ASCC3: variants seen among roughly 807,000 people sequenced by gnomAD.
ASCC3 encodes the protein ASC-1 complex subunit P200.
Under a neutral mutation model 256.3 loss-of-function variants are expected in ASCC3, and 158 were observed. That is an observed-to-expected ratio of 0.62 (90% CI 0.54 to 0.70). The LOEUF (loss-of-function observed/expected upper bound fraction) is 0.70, where lower values mean the gene tolerates loss of function less well. ASCC3 is among the 30% of genes least tolerant of loss of function. ASCC3 has a pLI of 0.00. For synonymous variants in ASCC3, 948 were observed against 883.4 expected (o/e 1.07, Z -1.30); for missense variants, 2,259 against 2,626.0 (o/e 0.86, Z 3.05).
chr6:100,683,208 T>C (rs1296400683), intron 13 of ASCC3, among the ~76,000 whole-genome samples: 2 of 152,144 alleles, frequency 1.3e-5, no homozygotes, highest in African/African-American at 4.8e-5. Context: ...ATTTTCCAGA[T>C]GGGGGTTTTA....
At chr6:100,657,300 G>A (rs1271955773) in intron 16 of ASCC3, among the ~76,000 whole-genome samples, 1 of 151,378 alleles carries the variant, frequency 6.6e-6, no homozygotes, top group Non-Finnish European at 1.5e-5. Flanking sequence ...TAAACTGTAA[G>A]CCTTTCCACC....
At chr6:100,510,187 TCTTA>T in intron 40 of ASCC3, 80 bp from the exon 41 acceptor site, 1 of 1,480,784 alleles carries the variant, frequency 6.8e-7, no homozygotes, top group Non-Finnish European at 9.4e-7. Context: ...GGCTACGTTG[TCTTA>T]CTTGAAGGCC....
At chr6:100,706,155 A>G (rs956740242) in intron 13 of ASCC3, among the ~76,000 whole-genome samples, 1 of 150,330 alleles carries the variant, frequency 6.7e-6, no homozygotes, top group Non-Finnish European at 1.5e-5. Context: ...AGAATAATAA[A>G]ATTGAAGAGT....
intron 1 of ASCC3, among the ~76,000 whole-genome samples, chr6:100,872,471 G>A (rs997335602): frequency 7.8e-5 from 10 of 128,208 alleles, no homozygotes; most frequent in Non-Finnish European, 1.3e-4. Flanking sequence ...AAAAGGGTCG[G>A]GGGGGGATCA....
At chr6:100,766,900 G>A (rs995275421) in intron 9 of ASCC3, among the ~76,000 whole-genome samples, 195 bp from the exon 10 acceptor site, 2 of 152,170 alleles carry the variant, frequency 1.3e-5, no homozygotes, top group Admixed American at 1.3e-4. Context: ...AATAGAATTT[G>A]TTTACACAGC....
chr6:100,811,812 A>G (rs1770483078), intron 4 of ASCC3, among the ~76,000 whole-genome samples: 1 of 152,164 alleles, frequency 6.6e-6, no homozygotes, highest in South Asian at 2.1e-4. Context: ...AGAACTGAGT[A>G]AAGAGACAAC....
At chr6:100,530,156 T>C in intron 37 of ASCC3, 1 of 587,290 alleles carries the variant, frequency 1.7e-6, no homozygotes, top group Non-Finnish European at 3.1e-6. Flanking sequence ...TCTATGTGCA[T>C]GTGTGTGAGA....
Position 100,718,198 on chromosome 6 carries a change from A to G in ASCC3, c.1956T>C (p.Pro652=), listed in dbSNP as rs761684996. The part of the protein sequence containing the change: ...IRILGLSATL[P]NYLDVATFLH... Reference sequence around the variant, plus strand: ...AAAATGTGGCAACATCGAGGTAGTTAGGTAAAGTTGCAGACAGTCCGAGAA... The same window carrying G: ...AAAATGTGGCAACATCGAGGTAGTTGGGTAAAGTTGCAGACAGTCCGAGAA... Residue 652 remains proline (P), a synonymous_variant, in exon 12 of 42, where the codon CCT becomes CCC. Coordinates refer to ENST00000369162, the MANE Select transcript of ASCC3 (RefSeq NM_006828.4). 36 of 1,613,354 alleles carry G rather than the reference A, an allele frequency of 2.2e-5. No individual in the cohort carries two copies. Among genetic ancestry groups the G allele is most frequent in the Non-Finnish European group, 2.8e-5 (33 of 1,179,546 alleles).
At chr6:100,726,030 T>A (rs1449991076) in intron 10 of ASCC3, among the ~76,000 whole-genome samples, 2 of 149,396 alleles carry the variant, frequency 1.3e-5, no homozygotes, top group African/African-American at 4.9e-5. Flanking sequence ...TTTTTTAAAG[T>A]AGCATATACT....
chr6:100,631,147 C>T lies in ASCC3; in HGVS notation c.4189G>A (p.Glu1397Lys). Residue 1397 changes from glutamate (E) to lysine (K), a missense_variant, in exon 26 of 42, where the codon GAA (glutamate) becomes AAA (lysine). Glu to Lys is a moderately conservative substitution (Grantham distance 56, BLOSUM62 1). This residue lies in a region of ASCC3 where 1,839 missense variants were observed against 2,206.7 expected (regional missense o/e 0.83). Transcript: ENST00000369162. Reference protein sequence around the residue: ...ERMDDWKVRIEEKLGKKVIEL... With the variant: ...ERMDDWKVRIKEKLGKKVIEL... ...ACTTACTTTTTACCAAGTTTTTCTT[C>T]TATTCTAACTTTCCAATCATCCATT... is the stretch of plus-strand genomic sequence containing the variant. 6.2e-7 allele frequency: 1 copy of T among 1,611,394 alleles called. No individual in the cohort carries two copies. The highest frequency in any genetic ancestry group is 8.5e-7 in the Non-Finnish European group (1 of 1,178,258).
intron 41 of ASCC3, 89 bp downstream of exon 41, chr6:100,509,843 G>A (rs1009450298): frequency 1.5e-4 from 199 of 1,301,046 alleles, no homozygotes; most frequent in African/African-American, 1.8e-4. Context: ...AGCAGAGATC[G>A]CGCCACTGCA....
intron 14 of ASCC3, among the ~76,000 whole-genome samples, chr6:100,667,401 G>A (rs563587566): frequency 6.6e-6 from 1 of 152,256 alleles, no homozygotes; most frequent in East Asian, 1.9e-4. Flanking sequence ...TAGAAAAAAG[G>A]ATTGGGGTCA....
chr6:100,811,688 T>C (rs916628859), intron 4 of ASCC3, among the ~76,000 whole-genome samples: 6 of 152,068 alleles, frequency 3.9e-5, no homozygotes, highest in African/African-American at 1.4e-4. Context: ...ATTCAAACAT[T>C]CAACAGGGCA....
intron 4 of ASCC3, among the ~76,000 whole-genome samples, chr6:100,827,403 CAGA>C (rs1727314853): frequency 6.6e-6 from 1 of 152,234 alleles, no homozygotes; most frequent in Non-Finnish European, 1.5e-5. Flanking sequence ...TTGCCTTTTG[CAGA>C]AGGTCAAACA....
At chr6:100,637,175 G>C (rs1465991820) in intron 25 of ASCC3, among the ~76,000 whole-genome samples, 1 of 152,100 alleles carries the variant, frequency 6.6e-6, no homozygotes, top group African/African-American at 2.4e-5. Context: ...AATGCAACTG[G>C]TGACTTGAAG....
Position 100,647,462 on chromosome 6 carries a change from A to G in ASCC3, c.3253-11T>C. On this transcript the variant is annotated splice_polypyrimidine_tract_variant and intron_variant, in intron 20 of 41. Coordinates refer to ENST00000369162, the MANE Select transcript of ASCC3 (RefSeq NM_006828.4). The stretch of plus-strand genomic sequence containing the variant: ...AATTCTAGCTGCATTCTAAAAAATT[A>G]TAGGAGGAGATTGGTGGTTATACCC... 1.2e-6 allele frequency: 2 copies of G among 1,603,788 alleles called. No individual in the cohort carries two copies. Among genetic ancestry groups the G allele is most frequent in the Non-Finnish European group, 1.7e-6 (2 of 1,170,726 alleles).
At chr6:100,794,709 G>T (rs1769519510) in intron 8 of ASCC3, among the ~76,000 whole-genome samples, 2 of 152,024 alleles carry the variant, frequency 1.3e-5, no homozygotes, top group South Asian at 2.1e-4. Context: ...GATTTTATAG[G>T]ACTCAATTAT....
intron 11 of ASCC3, among the ~76,000 whole-genome samples, chr6:100,724,259 G>A (rs929058739): frequency 1.3e-5 from 2 of 150,704 alleles, no homozygotes; most frequent in South Asian, 2.1e-4. Flanking sequence ...GTAGTATTAA[G>A]CATCAAAAAT....
At chr6:100,819,599 G>A (rs1036548911) in intron 4 of ASCC3, among the ~76,000 whole-genome samples, 5 of 151,986 alleles carry the variant, frequency 3.3e-5, no homozygotes, top group Admixed American at 6.6e-5. Flanking sequence ...AAATCCAAGA[G>A]TCCAAAAGCT....
Sources: gnomAD v4.1 joint callset for allele counts (sites outside exome capture counted in the v4.1 genomes callset) on GRCh38, gnomAD v4.1.1 for gene constraint, gnomAD v4.1.1 regional missense constraint, MANE v1.5 for transcripts, NCBI Gene and HGNC (gene_info 2026-07-23, HGNC 2026-07-21) for gene names.